Variants in YLPM1 observed in about 807,000 individuals in gnomAD.
The protein encoded by YLPM1 is YLP motif containing 1.
In YLPM1, 99 loss-of-function variants were observed where a neutral mutation model predicts 230.0. The observed-to-expected ratio is 0.43, with a 90% CI of 0.37 to 0.51. YLPM1 has a LOEUF of 0.51. Among genes scored for constraint, YLPM1 ranks in the 20% least tolerant of loss-of-function variants. The pLI is 0.00. For synonymous variants in YLPM1, 984 were observed against 942.5 expected, an observed-to-expected ratio of 1.04 and a Z score of -0.81; for missense variants, 2,592 against 2,707.7, an observed-to-expected ratio of 0.96 and a Z score of 0.95.
intron 6 of YLPM1, among the ~76,000 whole-genome samples, chr14:74,803,965 C>T (rs552101285): frequency 2.0e-5 from 3 of 152,232 alleles, no homozygotes; most frequent in Admixed American, 6.5e-5. Context: ...TGAGATGAGC[C>T]TGACCAACTT....
At chr14:74,816,509 T>C (rs1594839897) in intron 12 of YLPM1, 62 bp from the exon 13 acceptor site, 2 of 1,543,152 alleles carry the variant, frequency 1.3e-6, no homozygotes, top group African/African-American at 1.4e-5. Context: ...GAGGGAACTT[T>C]GGTGTGAACA....
intron 5 of YLPM1, among the ~76,000 whole-genome samples, chr14:74,800,705 A>G (rs1339642788): frequency 6.6e-6 from 1 of 152,212 alleles, no homozygotes; most frequent in African/African-American, 2.4e-5. Context: ...GCAGGTTTGT[A>G]TGGTCTATAG....
rs766299759 is a variant in YLPM1, at chr14:74,781,930, T to A, written c.1887T>A (p.Pro629=). 6.2e-7 allele frequency: 1 copy of A among 1,613,500 alleles called. No homozygotes were observed. The highest frequency in any genetic ancestry group is 1.7e-5 in the Admixed American group (1 of 59,986). The part of the protein sequence containing the change: ...MPLPPLSSAT[P]PPGIPPPGVP... Reference sequence around the variant, plus strand: ...TCCCACCATTGTCTTCAGCTACACCTCCTCCAGGAATACCTCCCCCTGGAG... The same window carrying A: ...TCCCACCATTGTCTTCAGCTACACCACCTCCAGGAATACCTCCCCCTGGAG... The change falls in exon 4 of 21, where the codon CCT becomes CCA. Residue 629 remains proline (P), a synonymous_variant. Transcript: ENST00000325680.
At chr14:74,816,821 G>A in intron 13 of YLPM1, 110 bp from the exon 14 acceptor site, 3 of 1,434,994 alleles carry the variant, frequency 2.1e-6, no homozygotes, top group Non-Finnish European at 2.8e-6. Context: ...TTAGTACTTG[G>A]GTGTGAAGGA....
At position 74,778,470 on chromosome 14, in the gene YLPM1, A is replaced by G. The variant is rs1476748048; in HGVS notation, c.897A>G (p.Arg299=). ...TPQEQQQYWY[R]QHLLSLQQRT... Reference sequence around the variant, plus strand: ...AGGAACAGCAGCAGTATTGGTATCGACAGCACTTGCTTAGTTTGCAACAGA... The same window carrying G: ...AGGAACAGCAGCAGTATTGGTATCGGCAGCACTTGCTTAGTTTGCAACAGA... Residue 299 remains arginine (R), a synonymous_variant, in exon 2 of 21, where the codon CGA becomes CGG. Transcript: ENST00000325680. The G allele has an allele frequency of 5.0e-6, 8 of 1,605,682 alleles. No homozygotes were observed. The highest frequency in any genetic ancestry group is 1.3e-5 in the African/African-American group (1 of 74,944).
At chr14:74,790,876 G>T (rs1261137903) in intron 4 of YLPM1, among the ~76,000 whole-genome samples, 1 of 152,076 alleles carries the variant, frequency 6.6e-6, no homozygotes, top group Non-Finnish European at 1.5e-5. Flanking sequence ...GCCTTAAAAG[G>T]TCTCTAGTTT....
At chr14:74,824,686 A>G (rs972777650) in intron 18 of YLPM1, among the ~76,000 whole-genome samples, 5 of 152,046 alleles carry the variant, frequency 3.3e-5, no homozygotes, top group Admixed American at 6.6e-5. Context: ...TTTAGATAAT[A>G]AAAATAATAT....
intron 3 of YLPM1, 127 bp downstream of exon 3, chr14:74,780,711 G>T (rs929712346): frequency 2.1e-6 from 3 of 1,439,624 alleles, no homozygotes; most frequent in Non-Finnish European, 2.7e-6. Flanking sequence ...TTCCCAAGGG[G>T]TGCCCAAGTA....
At chr14:74,828,510 A>G (rs958381298) in intron 18 of YLPM1, among the ~76,000 whole-genome samples, 2 of 152,224 alleles carry the variant, frequency 1.3e-5, no homozygotes, top group Non-Finnish European at 2.9e-5. Flanking sequence ...TTAATTGATT[A>G]CAGTTTTTGA....
At position 74,797,637 on chromosome 14, in the gene YLPM1, CA is replaced by C; in HGVS notation, c.2343del (p.Pro783LeufsTer29). 6.4e-7 allele frequency: 1 copy of C among 1,570,964 alleles called. No individual in the cohort carries two copies. Among genetic ancestry groups the C allele is most frequent in the Non-Finnish European group, 8.6e-7 (1 of 1,159,192 alleles). ...GGTCAAGGTGTGAAGGACCGAGACC[CA>C]AAGGGCCTCGTTTTGAAGGAAATCG... ...LGSRCEGPRP[K>X]GPRFEGNRPD... On this transcript the variant is annotated frameshift_variant, in exon 5 of 21. Coordinates refer to ENST00000325680, the MANE Select transcript of YLPM1 (RefSeq NM_019589.3). LOFTEE classifies it high-confidence loss of function.
intron 4 of YLPM1, among the ~76,000 whole-genome samples, chr14:74,788,023 G>A (rs868623241): frequency 6.6e-6 from 1 of 151,870 alleles, no homozygotes; most frequent in Admixed American, 6.6e-5. Flanking sequence ...AAAAATAAAG[G>A]GATAGTGAAA....
At position 74,778,443 on chromosome 14, in the gene YLPM1, G is replaced by A. The variant is rs754470853; in HGVS notation, c.874-4G>A. ...AAAATTCTCAAAAATTGTTTCTGTTGTAGGAACAGCAGCAGTATTGGTATC... is the reference window on the plus strand; with the variant it reads ...AAAATTCTCAAAAATTGTTTCTGTTATAGGAACAGCAGCAGTATTGGTATC... On this transcript the variant is annotated splice_region_variant and splice_polypyrimidine_tract_variant and intron_variant, in intron 1 of 20. Transcript: ENST00000325680. 1 of 1,590,244 alleles carries A rather than the reference G, an allele frequency of 6.3e-7. No homozygotes were observed. The highest frequency in any genetic ancestry group is 1.8e-5 in the Admixed American group (1 of 55,830).
intron 19 of YLPM1, among the ~76,000 whole-genome samples, chr14:74,830,103 G>C (rs2140146050): frequency 6.6e-6 from 1 of 152,296 alleles, no homozygotes; most frequent in Non-Finnish European, 1.5e-5. Context: ...AAATGATGCA[G>C]AAAAGACAAG....
intron 6 of YLPM1, among the ~76,000 whole-genome samples, chr14:74,803,493 A>C (rs1027303395): frequency 1.3e-5 from 2 of 152,124 alleles, no homozygotes. Context: ...CTGGTCTAAT[A>C]CTTAACAGTA....
intron 10 of YLPM1, 102 bp from the exon 11 acceptor site, chr14:74,812,525 TG>T (rs1224616827): frequency 1.0e-5 from 12 of 1,205,506 alleles, no homozygotes; most frequent in Non-Finnish European, 1.2e-5. Context: ...CCAAAATCAC[TG>T]GACTTGGTTT....
At chr14:74,815,606 C>T (rs541171970) in intron 11 of YLPM1, among the ~76,000 whole-genome samples, 5 of 151,848 alleles carry the variant, frequency 3.3e-5, no homozygotes, top group African/African-American at 4.8e-5. Context: ...CCACTGCCAC[C>T]GTTTGGTTTT....
chr14:74,806,616 AT>A (rs568010756), intron 6 of YLPM1, among the ~76,000 whole-genome samples: 113 of 152,302 alleles, frequency 7.4e-4, no homozygotes, highest in Non-Finnish European at 8.2e-4. Flanking sequence ...ATGAAAAAAA[AT>A]AATTGTATAA....
chr14:74,784,665 T>G (rs2091129377), intron 4 of YLPM1, among the ~76,000 whole-genome samples: 1 of 152,254 alleles, frequency 6.6e-6, no homozygotes, highest in Non-Finnish European at 1.5e-5. Context: ...ACATTGAACC[T>G]AAATGTGATT....
At position 74,781,412 on chromosome 14, in the gene YLPM1, C is replaced by G; in HGVS notation, c.1369C>G (p.Arg457Gly). 1 of 1,602,736 alleles carries G rather than the reference C, an allele frequency of 6.2e-7. No individual in the cohort carries two copies. The highest frequency in any genetic ancestry group is 2.2e-5 in the East Asian group (1 of 44,564). ...QFQHLYQEWEREFQLWEEQLH... is the reference protein window; with the variant it reads ...QFQHLYQEWEGEFQLWEEQLH... ...TCAACATCTTTACCAAGAATGGGAG[C>G]GAGAGTTTCAGCTATGGGAGGAACA... The change falls in exon 4 of 21, where the codon CGA (arginine) becomes GGA (glycine). Residue 457 changes from arginine (R) to glycine (G), a missense_variant. Arg to Gly is a moderately radical substitution (Grantham distance 125). This residue lies in a region of YLPM1 where 1,862 missense variants were observed against 1,819.8 expected (regional missense o/e 1.02). Transcript: ENST00000325680.
Sources: allele counts gnomAD v4.1 joint callset (sites outside exome capture counted in the v4.1 genomes callset), GRCh38; gene constraint gnomAD v4.1.1; regional missense constraint gnomAD v4.1.1; transcripts MANE v1.5; gene names NCBI Gene and HGNC (gene_info 2026-07-23, HGNC 2026-07-21).